TRIM52: variants seen among roughly 807,000 people sequenced by gnomAD.
TRIM52 encodes E3 ubiquitin-protein ligase TRIM52.
Under a neutral mutation model 27.0 loss-of-function variants are expected in TRIM52, and 24 were observed. That is an observed-to-expected ratio of 0.89 (90% confidence interval 0.64 to 1.25). TRIM52 has a LOEUF of 1.25. TRIM52 is among the 50% of genes most tolerant of loss of function. The probability of loss-of-function intolerance (pLI) is 0.00; values close to 1 mark genes in which losing one functional copy is unlikely to be tolerated. For missense variants in TRIM52, 351 were observed against 354.7 expected, an observed-to-expected ratio of 0.99 and a Z score of 0.08; for synonymous variants, 125 against 126.5, an observed-to-expected ratio of 0.99 and a Z score of 0.08.
At position 181,261,106 on chromosome 5, in the gene TRIM52, C is replaced by T. The variant is rs1760052617; in HGVS notation, c.-293G>A. ...GGTGTGCCCTACACTGCGGCGTCCG[C>T]CTCAGATGCAGCCGCTGGCTACCCT... On this transcript the variant is annotated 5_prime_UTR_variant, in exon 1 of 2. Coordinates refer to ENST00000688015, the MANE Select transcript of TRIM52 (RefSeq NM_001346048.2). 2.9e-6 allele frequency: 1 copy of T among 347,410 alleles called. No individual in the cohort carries two copies. 21.5% of individuals were successfully genotyped at this position (347,410 alleles called of 1,614,324 possible).
At chr5:181,259,264 A>C (rs1340307934) in intron 1 of TRIM52, 1 of 152,966 alleles carries the variant, frequency 6.5e-6, no homozygotes, top group Non-Finnish European at 1.5e-5. Flanking sequence ...CTAGGGAAAA[A>C]GTGAAGCTCA....
rs982532956 is a variant in TRIM52 at position 181,256,885 on chromosome 5, T to C, written c.814-26A>G. On this transcript the variant is annotated intron_variant, in intron 1 of 1. Coordinates refer to ENST00000688015, the MANE Select transcript of TRIM52 (RefSeq NM_001346048.2). ...CTGCAAAATAACATGAGTATATACT[T>C]GAGAAAAGCCTCAACATTTTTTTTT... 4 of 985,502 alleles carry C rather than the reference T, an allele frequency of 4.1e-6. No individual in the cohort carries two copies. In the African/African-American group the frequency reaches 7.0e-5, roughly 17 times the overall value. The allele number at this position is 985,502 out of a possible 1,614,324, so 61.0% of individuals were successfully genotyped here. A position where few individuals can be genotyped will look rare whatever the true frequency, so the allele number is the denominator to read the frequency against.
downstream of TRIM52, among the ~76,000 whole-genome samples, chr5:181,253,054 A>G (rs1426487645): frequency 1.2e-4 from 15 of 123,400 alleles, no homozygotes; most frequent in South Asian, 1.0e-3. Context: ...TTTTTTTTTG[A>G]GATGGAGTTT....
At chr5:181,249,827 G>GTTTTTTTTTTTTTTTTTTTTT (rs1237894738), downstream of TRIM52, among the ~76,000 whole-genome samples, 1 of 128,456 alleles carries the variant, frequency 7.8e-6, no homozygotes, top group African/African-American at 3.0e-5. Flanking sequence ...ATCACTTGCA[G>GTTTTTTTTTTTTTTTTTTTTT]TTTTTTTTTT....
At chr5:181,257,300 G>T in intron 1 of TRIM52, 25 of 1,323,350 alleles carry the variant, frequency 1.9e-5, no homozygotes, top group Non-Finnish European at 2.4e-5. Flanking sequence ...AATTTTAAAA[G>T]AACATTGACC....
rs1561691978 is a variant in TRIM52, at chr5:181,260,695, CAGA to C, written c.116_118del (p.Phe39del). ...CCACAGCTGGGTCACACACCCTCGG[CAGA>C]AGTTGTGCCCACAGCTGATGGACAC... On this transcript the variant is annotated inframe_deletion, in exon 1 of 2. Coordinates refer to ENST00000688015, the MANE Select transcript of TRIM52 (RefSeq NM_001346048.2). The surrounding 1 kb of genome is among the most constrained non-coding windows in gnomAD (Gnocchi z 4.4). The C allele has an allele frequency of 6.2e-7, 1 of 1,614,048 alleles. No individual in the cohort carries two copies. Among genetic ancestry groups the C allele is most frequent in the Non-Finnish European group, 8.5e-7 (1 of 1,180,020 alleles).
chr5:181,260,646 C>G lies in TRIM52; in HGVS notation c.168G>C (p.Gln56His), dbSNP rs779831669. The G allele has an allele frequency of 6.2e-7, 1 of 1,613,982 alleles. No homozygotes were observed. Among genetic ancestry groups the G allele is most frequent in the South Asian group, 1.1e-5 (1 of 91,062 alleles). The change falls in exon 1 of 2, where the codon CAG becomes CAC. Residue 56 changes from glutamine (Q) to histidine (H), a missense_variant. Coordinates refer to ENST00000688015, the MANE Select transcript of TRIM52 (RefSeq NM_001346048.2). The surrounding 1 kb of genome is among the most constrained non-coding windows in gnomAD (Gnocchi z 4.4). ...QLWSKEDEED[Q>H]NEEEDEWEEE... is the part of the protein sequence containing the mutation. ...CCTCCCATTCATCTTCCTCCTCGTT[C>G]TGGTCCTCCTCGTCCTCCTTACTCC...
Position 181,261,143 on chromosome 5 carries a change from C to A in TRIM52, c.-330G>T. ...CCGCTGGCTACCCTGCCCGAGGCGA[C>A]GCAAAATGACGTCTCGCTCCTGCAC... On this transcript the variant is annotated 5_prime_UTR_variant, in exon 1 of 2. Coordinates refer to ENST00000688015, the MANE Select transcript of TRIM52 (RefSeq NM_001346048.2). The A allele has an allele frequency of 3.8e-6, 1 of 262,520 alleles. No homozygotes were observed. The highest frequency in any genetic ancestry group is 7.3e-6 in the Non-Finnish European group (1 of 136,422). 16.3% of individuals were successfully genotyped at this position (262,520 alleles called of 1,614,324 possible). A position where few individuals can be genotyped will look rare whatever the true frequency, so the allele number is the denominator to read the frequency against.
chr5:181,255,763 T>A lies in TRIM52; in HGVS notation c.*1046A>T, dbSNP rs549686817. On this transcript the variant is annotated 3_prime_UTR_variant, in exon 2 of 2. Coordinates refer to ENST00000688015, the MANE Select transcript of TRIM52 (RefSeq NM_001346048.2). The stretch of plus-strand genomic sequence containing the variant: ...GAACGGCGAAATTGGTGTTTGCCCA[T>A]TGACATTTCAGTGTCAATGTATTTT... 1.6e-4 allele frequency: 24 copies of A among 152,372 alleles called. No homozygotes were observed. In the South Asian group the frequency reaches 5.0e-3, roughly 32 times the overall value. The allele number at this position is 152,372 out of a possible 1,614,324, so 9.4% of individuals were successfully genotyped here.
downstream of TRIM52, among the ~76,000 whole-genome samples, chr5:181,251,302 G>C (rs201013785): frequency 6.7e-6 from 1 of 148,934 alleles, no homozygotes; most frequent in South Asian, 2.1e-4. Flanking sequence ...AAAAAAAAAA[G>C]AAAAAAGATG....
Position 181,260,611 on chromosome 5 carries a change from T to C in TRIM52, c.203A>G (p.Asp68Gly), listed in dbSNP as rs1257856990. ...ATCCATGGCCCCCACCGCTTCCTCG[T>C]CCTCCTCCTCCTCCCATTCATCTTC... Reference protein sequence around the residue: ...EEEDEWEEEEDEEAVGAMDGW... With the variant: ...EEEDEWEEEEGEEAVGAMDGW... The change falls in exon 1 of 2, where the codon GAC becomes GGC. Residue 68 changes from aspartate to glycine, a missense_variant. By Grantham distance (94) the Asp-to-Gly change is moderately conservative. Transcript: ENST00000688015. The surrounding 1 kb of genome is among the most constrained non-coding windows in gnomAD (Gnocchi z 4.4). The C allele has an allele frequency of 6.2e-7, 1 of 1,613,480 alleles. No homozygotes were observed. The highest frequency in any genetic ancestry group is 1.1e-5 in the South Asian group (1 of 91,046).
At chr5:181,250,406 C>G (rs912493136), downstream of TRIM52, among the ~76,000 whole-genome samples, 1 of 152,096 alleles carries the variant, frequency 6.6e-6, no homozygotes, top group African/African-American at 2.4e-5. Context: ...CGTGGTGGTG[C>G]ATGCTTGTAA....
chr5:181,250,705 G>A (rs986498965), downstream of TRIM52, among the ~76,000 whole-genome samples: 9 of 152,186 alleles, frequency 5.9e-5, no homozygotes, highest in African/African-American at 2.2e-4. Flanking sequence ...TGCGAAAAAG[G>A]TCAGAATGGA....
chr5:181,257,322 A>G lies in TRIM52; in HGVS notation c.814-463T>C. 4 of 1,423,188 alleles carry G rather than the reference A, an allele frequency of 2.8e-6. No homozygotes were observed. The South Asian group carries it at 6.7e-5, about 24-fold the overall frequency. 88.2% of individuals were successfully genotyped at this position (1,423,188 alleles called of 1,614,324 possible). ...AAAGAACATTGACCTCAAAACAATA[A>G]AACTGTCCTGGTTATGCAATAGAAA... is the stretch of plus-strand genomic sequence containing the variant. On this transcript the variant is annotated intron_variant, in intron 1 of 1. Transcript: ENST00000688015.
At position 181,255,874 on chromosome 5, in the gene TRIM52, T is replaced by TG. The variant is rs1377718056; in HGVS notation, c.*934dup. ...TTATTTTTCATTGTTCTTCCAACCT[T>TG]GGGGTTGTTCTGTCCACAAGTTCAG... is the stretch of plus-strand genomic sequence containing the variant. On this transcript the variant is annotated 3_prime_UTR_variant, in exon 2 of 2. Transcript: ENST00000688015. 6.6e-6 allele frequency: 1 copy of TG among 152,340 alleles called. No individual in the cohort carries two copies. Among genetic ancestry groups the TG allele is most frequent in the African/African-American group, 2.4e-5 (1 of 41,564 alleles). 9.4% of individuals were successfully genotyped at this position (152,340 alleles called of 1,614,324 possible).
chr5:181,254,596 C>G (rs1478710785), downstream of TRIM52: 6 of 152,092 alleles, frequency 3.9e-5, no homozygotes, highest in Admixed American at 3.9e-4. Flanking sequence ...AGGATGGTCT[C>G]GATCTCCTGA....
chr5:181,259,143 T>A (rs1347024290), intron 1 of TRIM52: 1 of 152,234 alleles, frequency 6.6e-6, no homozygotes, highest in East Asian at 1.9e-4. Context: ...GCATTAACCA[T>A]ATCAGCACCC....
intron 1 of TRIM52, chr5:181,258,365 G>A (rs1173265563): frequency 6.6e-6 from 1 of 152,220 alleles, no homozygotes; most frequent in Admixed American, 6.6e-5. Flanking sequence ...ACTTCTGCCT[G>A]GGCAACAGAG....
At chr5:181,249,689 A>C (rs1759594024), downstream of TRIM52, among the ~76,000 whole-genome samples, 1 of 152,002 alleles carries the variant, frequency 6.6e-6, no homozygotes, top group Non-Finnish European at 1.5e-5. Flanking sequence ...AAGAAAAAAA[A>C]AAAATTAAGC....
Sources: gnomAD v4.1 joint callset for allele counts (sites outside exome capture counted in the v4.1 genomes callset) on GRCh38, gnomAD v4.1.1 for gene constraint, Gnocchi (gnomAD v3.1) non-coding constraint, MANE v1.5 for transcripts, NCBI Gene and HGNC (gene_info 2026-07-23, HGNC 2026-07-21) for gene names.